The following MAGI2 variants were observed in gnomAD, a reference collection of about 807,000 sequenced individuals.
The protein encoded by MAGI2 is membrane-associated guanylate kinase, WW and PDZ domain-containing protein 2.
MAGI2 carries 35 observed loss-of-function variants against 133.3 expected under a neutral mutation model. The ratio of observed to expected loss-of-function variants is 0.26; its 90% CI spans 0.20 to 0.35. MAGI2 has a LOEUF of 0.35. Ranked by LOEUF, MAGI2 falls within the 10% of genes least tolerant of loss-of-function variation. The probability of loss-of-function intolerance (pLI) is 1.00; values close to 1 mark genes in which losing one functional copy is unlikely to be tolerated. For synonymous variants in MAGI2, 729 were observed against 710.6 expected, an observed-to-expected ratio of 1.03 and a Z score of -0.41; for missense variants, 1,636 against 1,863.4, an observed-to-expected ratio of 0.88 and a Z score of 2.25.
chr7:78,210,755 G>C (rs1334433115), intron 10 of MAGI2, among the ~76,000 whole-genome samples: 1 of 152,172 alleles, frequency 6.6e-6, no homozygotes, highest in Non-Finnish European at 1.5e-5. Flanking sequence ...AAAAGTAACA[G>C]AGATCCAAGT....
At chr7:79,135,840 C>G (rs931636959) in intron 1 of MAGI2, among the ~76,000 whole-genome samples, 8 of 151,432 alleles carry the variant, frequency 5.3e-5, no homozygotes, top group Non-Finnish European at 1.2e-4. Context: ...CCTTGGGAGG[C>G]TGAGGCAGGA....
intron 1 of MAGI2, among the ~76,000 whole-genome samples, chr7:79,425,798 AAG>A (rs1847331596): frequency 1.3e-5 from 2 of 151,876 alleles, no homozygotes; most frequent in Admixed American, 1.3e-4. Context: ...GATGGAGGAA[AAG>A]AGGGGGAGAA....
chr7:78,892,217 A>G (rs1584303315), intron 2 of MAGI2, among the ~76,000 whole-genome samples: 1 of 152,298 alleles, frequency 6.6e-6, no homozygotes, highest in East Asian at 1.9e-4. Flanking sequence ...CCACTGCTCA[A>G]CGAAATAAAA....
intron 1 of MAGI2, among the ~76,000 whole-genome samples, chr7:79,067,534 A>G (rs779905984): frequency 1.3e-5 from 2 of 152,188 alleles, no homozygotes; most frequent in East Asian, 1.9e-4. Flanking sequence ...TAAATATACA[A>G]TCATGTCAAC....
intron 13 of MAGI2, 24 bp from the exon 14 acceptor site, chr7:78,178,126 A>C: frequency 2.1e-6 from 3 of 1,448,724 alleles, no homozygotes; most frequent in Non-Finnish European, 2.9e-6. Context: ...GATCCCATTG[A>C]GTAATGAATC....
At chr7:78,467,158 C>G (rs2151528303) in intron 6 of MAGI2, among the ~76,000 whole-genome samples, 1 of 152,282 alleles carries the variant, frequency 6.6e-6, no homozygotes, top group South Asian at 2.1e-4. Flanking sequence ...TGCTTATTCA[C>G]TGTGATATGC....
At position 78,859,496 on chromosome 7, in the gene MAGI2, T is replaced by C. The variant is rs10268097; in HGVS notation, c.418+147594A>G. ...AAGGATTTTATTTCTCCTTCACTTATGAAGCTTAGTTTGACTGGATATGAA... is the reference window on the plus strand; with the variant it reads ...AAGGATTTTATTTCTCCTTCACTTACGAAGCTTAGTTTGACTGGATATGAA... On this transcript the variant is annotated intron_variant, in intron 2 of 21. Transcript: ENST00000354212. 7.8e-3 allele frequency among the ~76,000 whole-genome samples: 1,186 copies of C among 152,326 alleles called. 20 individuals are homozygous for C. Among genetic ancestry groups the C allele is most frequent in the African/African-American group, 0.027 (1,120 of 41,570 alleles).
At chr7:78,266,314 C>T (rs560813474) in intron 9 of MAGI2, among the ~76,000 whole-genome samples, 2 of 152,208 alleles carry the variant, frequency 1.3e-5, no homozygotes, top group Admixed American at 6.5e-5. Context: ...GATCCTCCCA[C>T]CTCAGCTCCC....
intron 1 of MAGI2, among the ~76,000 whole-genome samples, chr7:79,323,268 C>T (rs1383359930): frequency 6.6e-6 from 1 of 152,042 alleles, no homozygotes; most frequent in African/African-American, 2.4e-5. Flanking sequence ...AACTTACAGT[C>T]AAATGGAAGA....
chr7:78,871,558 CT>C (rs763653803), intron 2 of MAGI2, among the ~76,000 whole-genome samples: 4 of 151,706 alleles, frequency 2.6e-5, no homozygotes, highest in Non-Finnish European at 4.4e-5. Flanking sequence ...TAAAATGATT[CT>C]GTGAACAAAA....
rs752137164 is a variant in MAGI2, at chr7:78,501,673, G to A, written c.869C>T (p.Thr290Ile). 3.7e-6 allele frequency: 6 copies of A among 1,613,940 alleles called. No individual in the cohort carries two copies. The highest frequency in any genetic ancestry group is 1.3e-5 in the African/African-American group (1 of 74,876). ...PEELKEQMDDTKPTKPEDNEE... is the reference protein window; with the variant it reads ...PEELKEQMDDIKPTKPEDNEE... ...ATTGTCTTCAGGTTTAGTTGGCTTT[G>A]TGTCATCCATCTGCTCCTTCAGCTC... is the stretch of plus-strand genomic sequence containing the variant. Residue 290 changes from threonine (T) to isoleucine (I), a missense_variant, in exon 5 of 22, where the codon ACA (threonine) becomes ATA (isoleucine). Thr to Ile is a moderately conservative substitution (Grantham distance 89). Around this residue, in one of 5 missense-constraint regions of MAGI2, gnomAD observed 165 missense variants for 128.4 expected, o/e 1.28. Coordinates refer to ENST00000354212, the MANE Select transcript of MAGI2 (RefSeq NM_012301.4).
intron 2 of MAGI2, among the ~76,000 whole-genome samples, chr7:78,660,794 C>T (rs1222639462): frequency 6.6e-6 from 1 of 152,236 alleles, no homozygotes; most frequent in East Asian, 1.9e-4. Context: ...TGTCTCTCTC[C>T]TCATAAAAAT....
At chr7:78,054,399 C>T (rs1314036180) in intron 21 of MAGI2, among the ~76,000 whole-genome samples, 4 of 152,162 alleles carry the variant, frequency 2.6e-5, no homozygotes, top group South Asian at 2.1e-4. Flanking sequence ...GCTGGGATTA[C>T]AGGCGTGAGA....
chr7:78,666,355 A>C (rs1813583000), intron 2 of MAGI2, among the ~76,000 whole-genome samples: 1 of 152,186 alleles, frequency 6.6e-6, no homozygotes, highest in Non-Finnish European at 1.5e-5. Context: ...TGTGTAATAA[A>C]CATTCTGTCC....
chr7:79,225,606 T>C (rs1390790694), intron 1 of MAGI2, among the ~76,000 whole-genome samples: 1 of 152,228 alleles, frequency 6.6e-6, no homozygotes, highest in East Asian at 1.9e-4. Context: ...CTAAAGTTTG[T>C]AAAATATATC....
intron 6 of MAGI2, among the ~76,000 whole-genome samples, chr7:78,444,567 A>G (rs1387456240): frequency 6.6e-6 from 1 of 152,050 alleles, no homozygotes; most frequent in African/African-American, 2.4e-5. Context: ...TAGATTCATC[A>G]AAAAACTGAT....
intron 2 of MAGI2, among the ~76,000 whole-genome samples, chr7:78,844,931 A>T (rs899031429): frequency 6.6e-6 from 1 of 151,966 alleles, no homozygotes; most frequent in Admixed American, 6.6e-5. Flanking sequence ...CCAAGAAAGG[A>T]GAAAACTCTA....
chr7:78,027,353 C>T (rs921562964), intron 21 of MAGI2, among the ~76,000 whole-genome samples: 8 of 151,866 alleles, frequency 5.3e-5, no homozygotes, highest in African/African-American at 1.2e-4. Flanking sequence ...GCAGGCCAGG[C>T]GCGGTGGCTC....
intron 12 of MAGI2, among the ~76,000 whole-genome samples, chr7:78,192,848 A>C (rs886356456): frequency 6.6e-6 from 1 of 151,084 alleles, no homozygotes. Context: ...GTGATGAGGC[A>C]GCAGCAGCAG....
Sources: gnomAD v4.1 joint callset for allele counts (sites outside exome capture counted in the v4.1 genomes callset) on GRCh38, gnomAD v4.1.1 for gene constraint, gnomAD v4.1.1 regional missense constraint, MANE v1.5 for transcripts, NCBI Gene and HGNC (gene_info 2026-07-23, HGNC 2026-07-21) for gene names.